Variants in NBPF11 observed in about 807,000 individuals in gnomAD.
The protein encoded by NBPF11 is NBPF family member NBPF11.
Under a neutral mutation model 93.9 loss-of-function variants are expected in NBPF11, and 72 were observed. The ratio of observed to expected loss-of-function variants is 0.77; its 90% CI spans 0.63 to 0.93. The LOEUF is 0.93. Ranked by LOEUF, NBPF11 falls within the 40% of genes least tolerant of loss-of-function variation. NBPF11 has a pLI of 0.00. For missense variants in NBPF11, 705 were observed against 802.2 expected (o/e 0.88, Z 1.46); for synonymous variants, 224 against 304.9 (o/e 0.73, Z 2.76).
At chr1:148,117,288 C>A (rs1341000207) in intron 12 of NBPF11, among the ~76,000 whole-genome samples, 20 of 148,916 alleles carry the variant, frequency 1.3e-4, no homozygotes, top group Non-Finnish European at 1.2e-4. Flanking sequence ...AACAAGCCTG[C>A]TCCCATCGCA....
Position 148,122,125 on chromosome 1 carries a change from G to A in NBPF11, c.708C>T (p.Val236=). 6.2e-7 allele frequency: 1 copy of A among 1,613,428 alleles called. No homozygotes were observed. Among genetic ancestry groups the A allele is most frequent in the Non-Finnish European group, 8.5e-7 (1 of 1,179,584 alleles). The stretch of plus-strand genomic sequence containing the variant: ...CTCTGTCTACAACCAGAGATGAGTT[G>A]ACTTTGTCTTCCTCAAATGTGATTT... ...NIKITFEEDK[V]NSSLVVDRES... Residue 236 remains valine, a synonymous_variant, in exon 9 of 24, where the codon GTC becomes GTT. Transcript: ENST00000682118.
At chr1:148,149,167 C>A in intron 1 of NBPF11, 1 of 1,589,460 alleles carries the variant, frequency 6.3e-7, no homozygotes, top group East Asian at 2.2e-5. Context: ...CCAGGTACGG[C>A]ATCAGCCCGG....
At chr1:148,146,999 C>T (rs1673246494) in intron 1 of NBPF11, 2 of 1,411,294 alleles carry the variant, frequency 1.4e-6, no homozygotes, top group Admixed American at 4.2e-5. Flanking sequence ...GGCGGGCTTC[C>T]CTGGGAGGAA....
At chr1:148,124,316 G>A (rs1288054362) in intron 6 of NBPF11, among the ~76,000 whole-genome samples, 3 of 151,668 alleles carry the variant, frequency 2.0e-5, no homozygotes, top group African/African-American at 7.3e-5. Flanking sequence ...GTAAATAAAA[G>A]TAGGTGTCTT....
chr1:148,116,984 G>C (rs1275495097), intron 12 of NBPF11, among the ~76,000 whole-genome samples: 2 of 152,168 alleles, frequency 1.3e-5, no homozygotes, highest in Non-Finnish European at 2.9e-5. Context: ...GTGTTATTCA[G>C]GGACATTCTA....
At chr1:148,149,103 G>C in intron 1 of NBPF11, 1 of 1,495,572 alleles carries the variant, frequency 6.7e-7, no homozygotes, top group Non-Finnish European at 9.0e-7. Flanking sequence ...GACGCCCGCT[G>C]GTGGGAAGGG....
chr1:148,122,267 C>G lies in NBPF11; in HGVS notation c.567-1G>C. On this transcript the variant is annotated splice_acceptor_variant, in intron 8 of 23. Coordinates refer to ENST00000682118, the MANE Select transcript of NBPF11 (RefSeq NM_001385469.3). LOFTEE classifies it high-confidence loss of function. The stretch of plus-strand genomic sequence containing the variant: ...GCTCTCTTCAGCCTTCTGCACCTCC[C>G]TGATGAGCCAGGTGGGACAGAGATG... The G allele has an allele frequency of 6.2e-7, 1 of 1,609,670 alleles. No individual in the cohort carries two copies. Among genetic ancestry groups the G allele is most frequent in the Non-Finnish European group, 8.5e-7 (1 of 1,177,836 alleles).
chr1:148,108,842 G>GACACAAAGACACAC (rs1664487814), intron 17 of NBPF11, among the ~76,000 whole-genome samples, 188 bp from the exon 18 acceptor site: 1 of 112,812 alleles, frequency 8.9e-6, no homozygotes, highest in African/African-American at 3.5e-5. Context: ...GAAAGAGAAA[G>GACACAAAGACACAC]ACACACACAC....
At chr1:148,127,945 G>A (rs1412271502) in intron 4 of NBPF11, among the ~76,000 whole-genome samples, 5 of 151,670 alleles carry the variant, frequency 3.3e-5, no homozygotes, top group South Asian at 2.1e-4. Flanking sequence ...GTGAGCCACC[G>A]CACACGGCCG....
At chr1:148,138,696 G>C (rs1375391758) in intron 2 of NBPF11, among the ~76,000 whole-genome samples, 1 of 151,216 alleles carries the variant, frequency 6.6e-6, no homozygotes, top group African/African-American at 2.5e-5. Context: ...GATTAACAGC[G>C]TCTCAAGGCA....
rs1430704312 is a variant in NBPF11 at position 148,104,352 on chromosome 1, G to C, written c.2581+185C>G. Among the ~76,000 whole-genome samples the C allele has an allele frequency of 8.2e-5, 12 of 146,896 alleles. No individual in the cohort carries two copies. In the East Asian group the frequency reaches 1.6e-3, roughly 20 times the overall value. On this transcript the variant is annotated intron_variant, in intron 23 of 23. Coordinates refer to ENST00000682118, the MANE Select transcript of NBPF11 (RefSeq NM_001385469.3). ...AGTATGGTCCACCTATGGTACGTTA[G>C]TAAATGATAAGGGGAGGAAGAAATG...
intron 1 of NBPF11, among the ~76,000 whole-genome samples, chr1:148,145,629 C>T (rs1305654760): frequency 6.6e-6 from 1 of 151,518 alleles, no homozygotes; most frequent in African/African-American, 2.4e-5. Context: ...GCCTATAATC[C>T]CAACACTTTG....
Position 148,122,082 on chromosome 1 carries a change from A to T in NBPF11, c.751T>A (p.Cys251Ser). 2 of 1,612,050 alleles carry T rather than the reference A, an allele frequency of 1.2e-6. No individual in the cohort carries two copies. Among genetic ancestry groups the T allele is most frequent in the East Asian group, 4.5e-5 (2 of 44,878 alleles). ...GGGAGAATGTTTAGAGCATCCTGAC[A>T]TCCATCATGAGAGGATTCTCTGTCT... is the stretch of plus-strand genomic sequence containing the variant. ...VVDRESSHDG[C>S]QDALNILPVP... is the part of the protein sequence containing the mutation. Residue 251 changes from cysteine (C) to serine (S), a missense_variant, in exon 9 of 24, where the codon TGT becomes AGT. By Grantham distance (112) the Cys-to-Ser change is moderately radical. Coordinates refer to ENST00000682118, the MANE Select transcript of NBPF11 (RefSeq NM_001385469.3).
At chr1:148,149,017 G>C in intron 1 of NBPF11, 1 of 667,904 alleles carries the variant, frequency 1.5e-6, no homozygotes, top group East Asian at 2.8e-5. Flanking sequence ...CTCGGGACTG[G>C]TGTGGAGCCT....
chr1:148,142,052 G>C (rs1191832504), intron 2 of NBPF11, among the ~76,000 whole-genome samples: 1 of 146,162 alleles, frequency 6.8e-6, no homozygotes, highest in African/African-American at 2.6e-5. Flanking sequence ...AAGGCAGGGA[G>C]GGAGGGAGGA....
At chr1:148,146,035 A>G (rs1398461622) in intron 1 of NBPF11, among the ~76,000 whole-genome samples, 4 of 152,092 alleles carry the variant, frequency 2.6e-5, no homozygotes, top group Admixed American at 6.5e-5. Context: ...ACAGAAAAGC[A>G]TATCAATGAA....
In NBPF11 at chr1:148,135,794, A is replaced by T. The variant is rs1671179601; in HGVS notation, c.-158T>A. The T allele has an allele frequency of 1.4e-6, 1 of 697,454 alleles. No homozygotes were observed. The allele number at this position is 697,454 out of a possible 1,614,324, so 43.2% of individuals were successfully genotyped here. A position where few individuals can be genotyped will look rare whatever the true frequency, so the allele number is the denominator to read the frequency against. ...TCCAGGTATGATATTATTTTGTTTG[A>T]CCATCCTTATCTTCAAGGGCTACCA... On this transcript the variant is annotated 5_prime_UTR_variant, in exon 4 of 24. Coordinates refer to ENST00000682118, the MANE Select transcript of NBPF11 (RefSeq NM_001385469.3).
chr1:148,110,036 G>A (rs1473298581), intron 16 of NBPF11, among the ~76,000 whole-genome samples: 7 of 150,526 alleles, frequency 4.7e-5, no homozygotes, highest in African/African-American at 1.7e-4. Context: ...TAGCTGGCAA[G>A]AGACATTTAA....
Position 148,146,644 on chromosome 1 carries a change from G to A in NBPF11, c.-548-2958C>T, listed in dbSNP as rs1469114500. On this transcript the variant is annotated intron_variant, in intron 1 of 23. Coordinates refer to ENST00000682118, the MANE Select transcript of NBPF11 (RefSeq NM_001385469.3). ...CTTCCAGTACAGCCAGCGCGAGCTG[G>A]ACACCATCGAGGTCTTCCCCACCAA... 8.1e-6 allele frequency: 13 copies of A among 1,611,464 alleles called. 1 individual carries two copies. In the African/African-American group the frequency reaches 1.1e-4, roughly 13 times the overall value.
Sources: gnomAD v4.1 joint callset for allele counts (sites outside exome capture counted in the v4.1 genomes callset) on GRCh38, gnomAD v4.1.1 for gene constraint, MANE v1.5 for transcripts, NCBI Gene and HGNC (gene_info 2026-07-23, HGNC 2026-07-21) for gene names.